Variants in NEO1 observed in about 807,000 individuals in gnomAD.
The protein encoded by NEO1 is neogenin 1.
A neutral mutation model predicts 159.7 loss-of-function variants in NEO1; 63 were observed. That is an observed-to-expected ratio of 0.39 (90% confidence interval 0.32 to 0.49). The LOEUF is 0.49. NEO1 is among the 20% of genes least tolerant of loss of function. NEO1 has a pLI of 0.85. For missense variants in NEO1, 1,615 were observed against 1,831.0 expected (o/e 0.88, Z 2.15); for synonymous variants, 633 against 662.0 (o/e 0.96, Z 0.67).
At chr15:73,086,628 A>G (rs890867161) in intron 1 of NEO1, among the ~76,000 whole-genome samples, 3 of 148,352 alleles carry the variant, frequency 2.0e-5, no homozygotes, top group Middle Eastern at 7.0e-3. Flanking sequence ...CAGTGGCACA[A>G]TCTCTGCTCA....
intron 1 of NEO1, among the ~76,000 whole-genome samples, chr15:73,069,594 A>C (rs1037188449): frequency 4.6e-5 from 7 of 151,834 alleles, no homozygotes; most frequent in African/African-American, 1.7e-4. Context: ...TTTTATAGTA[A>C]ATTTCTGTTT....
intron 21 of NEO1, among the ~76,000 whole-genome samples, chr15:73,275,413 G>T (rs1269210810): frequency 6.6e-6 from 1 of 152,274 alleles, no homozygotes; most frequent in South Asian, 2.1e-4. Flanking sequence ...ACTTTGGGAG[G>T]CCAAGGTGGG....
At chr15:73,096,682 G>A (rs1042553152) in intron 1 of NEO1, among the ~76,000 whole-genome samples, 25 of 152,292 alleles carry the variant, frequency 1.6e-4, no homozygotes, top group African/African-American at 5.5e-4. Context: ...AATACTCCTG[G>A]TCATTCTTTT....
chr15:73,169,055 A>G (rs1334263027), intron 5 of NEO1, among the ~76,000 whole-genome samples: 1 of 152,188 alleles, frequency 6.6e-6, no homozygotes, highest in Non-Finnish European at 1.5e-5. Context: ...TTCAGAGCTA[A>G]TGTAAATGAA....
chr15:73,053,271 T>C (rs1260969586), intron 1 of NEO1, among the ~76,000 whole-genome samples: 4 of 152,094 alleles, frequency 2.6e-5, no homozygotes, highest in Non-Finnish European at 5.9e-5. Context: ...GCTTCCGAAG[T>C]CTCGAGGAAG....
chr15:73,273,900 A>G lies in NEO1; in HGVS notation c.3055A>G (p.Ile1019Val), dbSNP rs1292848739. Residue 1019 changes from isoleucine to valine, a missense_variant, in exon 20 of 29, where the codon ATA becomes GTA. Ile to Val is a conservative substitution (Grantham distance 29, BLOSUM62 3). Transcript: ENST00000261908. ...PVVGNRLTHQ[I>V]QELTLDTPYY... is the part of the protein sequence containing the mutation. ...TGTGGGAAACAGACTGACTCACCAG[A>G]TACAAGAGTTAACTCTTGACACACC... The G allele has an allele frequency of 1.2e-6, 2 of 1,614,014 alleles. No homozygotes were observed. Among genetic ancestry groups the G allele is most frequent in the Non-Finnish European group, 1.7e-6 (2 of 1,179,998 alleles).
chr15:73,066,432 G>A (rs996540382), intron 1 of NEO1, among the ~76,000 whole-genome samples: 1 of 147,314 alleles, frequency 6.8e-6, no homozygotes, highest in African/African-American at 2.5e-5. Context: ...TAGGAGTTTT[G>A]CTTTTATGTC....
chr15:73,241,364 C>A (rs1263435286), intron 8 of NEO1, among the ~76,000 whole-genome samples: 1 of 152,042 alleles, frequency 6.6e-6, no homozygotes, highest in Non-Finnish European at 1.5e-5. Context: ...TTTATGGCCC[C>A]GGAGCTAAGA....
intron 7 of NEO1, among the ~76,000 whole-genome samples, chr15:73,220,654 C>T (rs1596379511): frequency 6.6e-6 from 1 of 151,992 alleles, no homozygotes; most frequent in African/African-American, 2.4e-5. Context: ...TCTAAACTTC[C>T]CTTCTCGCTT....
At chr15:73,261,732 C>T (rs1174556485) in intron 15 of NEO1, among the ~76,000 whole-genome samples, 1 of 152,230 alleles carries the variant, frequency 6.6e-6, no homozygotes, top group Non-Finnish European at 1.5e-5. Context: ...TGACAATTCT[C>T]CCCAGTGCAG....
intron 25 of NEO1, among the ~76,000 whole-genome samples, chr15:73,293,175 A>G (rs886493492): frequency 6.6e-6 from 1 of 152,196 alleles, no homozygotes; most frequent in African/African-American, 2.4e-5. Flanking sequence ...TTTTCTATAT[A>G]TATGTAGACA....
intron 13 of NEO1, 150 bp from the exon 14 acceptor site, chr15:73,258,616 A>C (rs1052032035): frequency 8.4e-6 from 5 of 592,166 alleles, no homozygotes; most frequent in Non-Finnish European, 1.5e-5. Flanking sequence ...TTGTATTTGC[A>C]TTTTGCCTAC....
intron 1 of NEO1, among the ~76,000 whole-genome samples, chr15:73,071,327 C>G (rs1317125770): frequency 6.6e-6 from 1 of 152,084 alleles, no homozygotes; most frequent in Non-Finnish European, 1.5e-5. Flanking sequence ...GCCTGGAAAT[C>G]TGAATTTTGA....
chr15:73,152,856 G>A (rs1677617022), intron 5 of NEO1, among the ~76,000 whole-genome samples: 1 of 152,162 alleles, frequency 6.6e-6, no homozygotes, highest in Non-Finnish European at 1.5e-5. Flanking sequence ...GATTGTGGTG[G>A]TGTGAGAGTA....
chr15:73,217,604 A>G (rs1372413133), intron 7 of NEO1, among the ~76,000 whole-genome samples: 1 of 152,072 alleles, frequency 6.6e-6, no homozygotes, highest in Admixed American at 6.6e-5. Flanking sequence ...CTTCTATTTC[A>G]TTGAGCAGTG....
At chr15:73,179,755 C>T (rs74025262) in intron 7 of NEO1, among the ~76,000 whole-genome samples, 48,735 of 151,880 alleles carry the variant, frequency 0.32, 9,034 homozygotes, top group Admixed American at 0.45. Flanking sequence ...CACCTGGGTA[C>T]ACTGTGTATG....
Position 73,148,267 on chromosome 15 carries a change from G to A in NEO1, c.1015+12240G>A, listed in dbSNP as rs117402795. Among the ~76,000 whole-genome samples, 266 of 152,196 alleles carry A rather than the reference G, an allele frequency of 1.7e-3. 5 individuals are homozygous for A. In the East Asian group the frequency reaches 0.046, roughly 26 times the overall value. On this transcript the variant is annotated intron_variant, in intron 5 of 28. Transcript: ENST00000261908. ...TAATTATATTGTCAGTAAGCTTCTT[G>A]TATTAAATATATTGAATCTCTTAAA...
chr15:73,301,068 T>G (rs1452831972), intron 27 of NEO1, among the ~76,000 whole-genome samples: 1 of 152,230 alleles, frequency 6.6e-6, no homozygotes. Flanking sequence ...CAAGGGTTTG[T>G]GGACTACCAC....
At chr15:73,291,082 AG>A (rs35811262) in intron 25 of NEO1, among the ~76,000 whole-genome samples, 10 of 152,228 alleles carry the variant, frequency 6.6e-5, no homozygotes, top group Non-Finnish European at 1.0e-4. Context: ...TTGGAAATGC[AG>A]GGGAAAACCA....
Sources: allele counts gnomAD v4.1 joint callset (sites outside exome capture counted in the v4.1 genomes callset), GRCh38; gene constraint gnomAD v4.1.1; transcripts MANE v1.5; gene names NCBI Gene and HGNC (gene_info 2026-07-23, HGNC 2026-07-21).